The following RAPGEF4 variants were observed in gnomAD, a reference collection of about 807,000 sequenced individuals.
The protein encoded by RAPGEF4 is RAP guanine-nucleotide-exchange factor (GEF) 4.
A neutral mutation model predicts 147.9 loss-of-function variants in RAPGEF4; 66 were observed. That is an observed-to-expected ratio of 0.45 (90% CI 0.37 to 0.55). The LOEUF is 0.55. Ranked by LOEUF, RAPGEF4 falls within the 20% of genes least tolerant of loss-of-function variation. RAPGEF4 has a pLI of 0.00. For missense variants in RAPGEF4, 1,071 were observed against 1,257.3 expected (o/e 0.85, Z 2.24); for synonymous variants, 419 against 442.7 (o/e 0.95, Z 0.67).
chr2:172,864,157 C>T lies in RAPGEF4; in HGVS notation c.444+49732C>T, dbSNP rs1694350750. On this transcript the variant is annotated intron_variant, in intron 4 of 30. Transcript: ENST00000397081. ...GCATATCATGGGTTCTACCTTTACC[C>T]ATATCTGCCATGATTTGGGTTGTTT... Among the ~76,000 whole-genome samples the T allele has an allele frequency of 2.0e-5, 3 of 152,214 alleles. No homozygotes were observed. In the South Asian group the frequency reaches 6.2e-4, roughly 32 times the overall value.
chr2:172,870,354 G>C (rs1991175), intron 4 of RAPGEF4, among the ~76,000 whole-genome samples: 151,072 of 152,264 alleles, frequency 0.99, 74,952 homozygotes, highest in Middle Eastern at 1. Flanking sequence ...TAGGCCAGTT[G>C]CCAGTTCTGA....
At chr2:172,790,946 A>G (rs1202185742) in intron 1 of RAPGEF4, among the ~76,000 whole-genome samples, 1 of 152,206 alleles carries the variant, frequency 6.6e-6, no homozygotes, top group Non-Finnish European at 1.5e-5. Context: ...TATTTCTCAC[A>G]GTTCTGGAGG....
At chr2:173,034,357 G>A (rs913157846) in intron 27 of RAPGEF4, among the ~76,000 whole-genome samples, 1 of 152,150 alleles carries the variant, frequency 6.6e-6, no homozygotes, top group Non-Finnish European at 1.5e-5. Context: ...AGGTTTCAGA[G>A]GGCAAATCGG....
chr2:172,876,087 A>G (rs1373048989), intron 4 of RAPGEF4, among the ~76,000 whole-genome samples: 2 of 152,154 alleles, frequency 1.3e-5, no homozygotes, highest in African/African-American at 2.4e-5. Context: ...ATTTTTGCAC[A>G]TTGATTTTGT....
At chr2:172,738,484 T>C (rs981858822) in intron 1 of RAPGEF4, among the ~76,000 whole-genome samples, 15 of 152,156 alleles carry the variant, frequency 9.9e-5, no homozygotes, top group Non-Finnish European at 2.2e-4. Context: ...TCCATAGGTG[T>C]CCTGCCTAGA....
intron 1 of RAPGEF4, among the ~76,000 whole-genome samples, chr2:172,765,833 C>T (rs984160030): frequency 3.9e-5 from 6 of 152,208 alleles, no homozygotes; most frequent in Admixed American, 2.6e-4. Context: ...CCCAGCTGAA[C>T]GGGCTCTGGG....
chr2:172,806,167 A>T (rs1250133776), intron 3 of RAPGEF4, among the ~76,000 whole-genome samples: 1 of 152,050 alleles, frequency 6.6e-6, no homozygotes, highest in Non-Finnish European at 1.5e-5. Flanking sequence ...TCCTAGATAT[A>T]TATAAGATTT....
At chr2:172,859,987 A>C in intron 4 of RAPGEF4, 2 of 976,798 alleles carry the variant, frequency 2.0e-6, no homozygotes, top group Non-Finnish European at 2.4e-6. Flanking sequence ...TGTTTCATGG[A>C]AAACAGGGAG....
intron 4 of RAPGEF4, among the ~76,000 whole-genome samples, chr2:172,906,183 T>C (rs947575781): frequency 6.6e-6 from 1 of 152,230 alleles, no homozygotes; most frequent in African/African-American, 2.4e-5. Flanking sequence ...TATTCTACTG[T>C]CTAATCATGA....
intron 4 of RAPGEF4, among the ~76,000 whole-genome samples, chr2:172,910,238 T>A (rs746962520): frequency 6.6e-6 from 1 of 152,166 alleles, no homozygotes; most frequent in African/African-American, 2.4e-5. Flanking sequence ...AAACCTAGAA[T>A]CCTTATGCCC....
intron 15 of RAPGEF4, among the ~76,000 whole-genome samples, chr2:172,994,188 C>A (rs1465509848): frequency 6.6e-6 from 1 of 152,174 alleles, no homozygotes; most frequent in Non-Finnish European, 1.5e-5. Context: ...GTTTTCCCCC[C>A]ATTCAGTTTT....
At chr2:172,762,825 G>T (rs1040511489) in intron 1 of RAPGEF4, among the ~76,000 whole-genome samples, 1 of 152,178 alleles carries the variant, frequency 6.6e-6, no homozygotes, top group Non-Finnish European at 1.5e-5. Flanking sequence ...ACATAGGGAA[G>T]TGGCGAGTGG....
intron 5 of RAPGEF4, among the ~76,000 whole-genome samples, chr2:172,919,649 A>G (rs2150042918): frequency 6.6e-6 from 1 of 151,962 alleles, no homozygotes; most frequent in African/African-American, 2.4e-5. Context: ...TCCCAAACCA[A>G]CACCTCTGTT....
chr2:172,952,948 C>T (rs1411672472), intron 6 of RAPGEF4, among the ~76,000 whole-genome samples: 1 of 152,116 alleles, frequency 6.6e-6, no homozygotes, highest in Non-Finnish European at 1.5e-5. Context: ...TGCGGAGAAA[C>T]TTGAACCATT....
At chr2:173,014,644 T>C (rs1243578713) in intron 18 of RAPGEF4, 30 bp downstream of exon 18, 19 of 1,603,460 alleles carry the variant, frequency 1.2e-5, no homozygotes, top group Non-Finnish European at 1.4e-5. Flanking sequence ...TCCAAGAATA[T>C]ACTGTTGTCC....
At position 172,815,656 on chromosome 2, in the gene RAPGEF4, G is replaced by A. The variant is rs192346795; in HGVS notation, c.444+1231G>A. On this transcript the variant is annotated intron_variant, in intron 4 of 30. Transcript: ENST00000397081. ...AAACTGAAAAGTCTTTTTCAAAAGG[G>A]GAGTTTGGAAAACTGGTTTTCAGAA... Among the ~76,000 whole-genome samples, 7 of 152,202 alleles carry A rather than the reference G, an allele frequency of 4.6e-5. No individual in the cohort carries two copies. The East Asian group carries it at 1.4e-3, about 29-fold the overall frequency.
At chr2:172,919,534 C>T (rs1017610615) in intron 5 of RAPGEF4, among the ~76,000 whole-genome samples, 2 of 151,984 alleles carry the variant, frequency 1.3e-5, no homozygotes, top group African/African-American at 4.8e-5. Context: ...GGTACTTCTT[C>T]CCCCGCTTAT....
intron 10 of RAPGEF4, among the ~76,000 whole-genome samples, chr2:172,975,581 G>C (rs1341601756): frequency 6.6e-6 from 1 of 151,978 alleles, no homozygotes; most frequent in African/African-American, 2.4e-5. Context: ...CTCTCTCCTA[G>C]GTTGCCTCAA....
At chr2:172,950,922 T>TA (rs1332187235) in intron 6 of RAPGEF4, among the ~76,000 whole-genome samples, 1 of 152,278 alleles carries the variant, frequency 6.6e-6, no homozygotes, top group Non-Finnish European at 1.5e-5. Context: ...GTTCTACTGA[T>TA]ACTCATCCAA....
Sources: gnomAD v4.1 joint callset for allele counts (sites outside exome capture counted in the v4.1 genomes callset) on GRCh38, gnomAD v4.1.1 for gene constraint, MANE v1.5 for transcripts, NCBI Gene and HGNC (gene_info 2026-07-23, HGNC 2026-07-21) for gene names.